Variants in KCNMA1 observed in about 807,000 individuals in gnomAD.
The protein encoded by KCNMA1 is potassium calcium-activated channel subfamily M alpha 1.
Under a neutral mutation model 140.0 loss-of-function variants are expected in KCNMA1, and 29 were observed. That is an observed-to-expected ratio of 0.21 (90% confidence interval 0.15 to 0.28). The LOEUF is 0.28. Ranked by LOEUF, KCNMA1 falls within the 10% of genes least tolerant of loss-of-function variation. The probability of loss-of-function intolerance (pLI) is 1.00; values close to 1 mark genes in which losing one functional copy is unlikely to be tolerated. For missense variants in KCNMA1, 880 were observed against 1,602.2 expected, an observed-to-expected ratio of 0.55 and a Z score of 7.70; for synonymous variants, 612 against 611.9, an observed-to-expected ratio of 1.00 and a Z score of 0.00.
chr10:77,089,443 A>T (rs1461496116), intron 10 of KCNMA1, among the ~76,000 whole-genome samples: 1 of 152,122 alleles, frequency 6.6e-6, no homozygotes, highest in Non-Finnish European at 1.5e-5. Flanking sequence ...ATGTCACCAT[A>T]ATGGAGCCCC....
chr10:76,893,165 G>A (rs974866469), intron 25 of KCNMA1, among the ~76,000 whole-genome samples: 4 of 152,094 alleles, frequency 2.6e-5, no homozygotes, highest in Non-Finnish European at 5.9e-5. Context: ...ACATTTTTGT[G>A]CCTCCGTTTC....
At chr10:77,611,286 T>C (rs1239345595) in intron 1 of KCNMA1, among the ~76,000 whole-genome samples, 1 of 152,222 alleles carries the variant, frequency 6.6e-6, no homozygotes, top group African/African-American at 2.4e-5. Context: ...GGTGATTTAT[T>C]TCCTGACAAG....
At chr10:76,955,017 T>C (rs928103827) in intron 20 of KCNMA1, among the ~76,000 whole-genome samples, 1 of 152,178 alleles carries the variant, frequency 6.6e-6, no homozygotes, top group African/African-American at 2.4e-5. Context: ...AAACTGGCCA[T>C]ATAATTAGGA....
intron 6 of KCNMA1, among the ~76,000 whole-genome samples, chr10:77,120,403 T>C (rs2097569231): frequency 1.3e-5 from 2 of 152,064 alleles, no homozygotes; most frequent in Admixed American, 6.6e-5. Flanking sequence ...TTGTAGGTTT[T>C]CCCCCAAAAG....
At chr10:77,095,696 G>A (rs571741768) in intron 9 of KCNMA1, among the ~76,000 whole-genome samples, 13 of 152,192 alleles carry the variant, frequency 8.5e-5, no homozygotes, top group East Asian at 1.9e-4. Flanking sequence ...TTTAAGCATC[G>A]CTGCCTCCAG....
chr10:77,220,744 C>A (rs1453651170), intron 3 of KCNMA1, among the ~76,000 whole-genome samples: 1 of 149,622 alleles, frequency 6.7e-6, no homozygotes, highest in Non-Finnish European at 1.5e-5. Flanking sequence ...ACCCCCTTAG[C>A]CATATATTCC....
intron 19 of KCNMA1, among the ~76,000 whole-genome samples, chr10:76,994,154 C>A (rs554701204): frequency 6.6e-6 from 1 of 152,256 alleles, no homozygotes; most frequent in South Asian, 2.1e-4. Context: ...GCTATGAGAC[C>A]CTTGGCCAGA....
intron 20 of KCNMA1, among the ~76,000 whole-genome samples, chr10:76,968,029 C>T (rs566314564): frequency 4.3e-4 from 66 of 152,224 alleles, no homozygotes; most frequent in South Asian, 6.2e-4. Context: ...GCAGAAAGTC[C>T]TGTAAAAACC....
chr10:77,062,706 C>T (rs1020038644), intron 14 of KCNMA1, among the ~76,000 whole-genome samples: 2 of 152,188 alleles, frequency 1.3e-5, no homozygotes, highest in Non-Finnish European at 2.9e-5. Context: ...TGGAAAAGAG[C>T]TTAATTTTTA....
chr10:77,510,426 T>A (rs186783846), intron 1 of KCNMA1, among the ~76,000 whole-genome samples: 1 of 152,282 alleles, frequency 6.6e-6, no homozygotes, highest in Admixed American at 6.5e-5. Context: ...CAATTATTTA[T>A]GTCCTCTCCT....
At chr10:77,278,819 C>G (rs2067473474) in intron 2 of KCNMA1, among the ~76,000 whole-genome samples, 1 of 152,324 alleles carries the variant, frequency 6.6e-6, no homozygotes, top group South Asian at 2.1e-4. Context: ...AGTCTTTCAG[C>G]TACTATTATC....
At chr10:77,300,815 C>CT (rs1243269259) in intron 2 of KCNMA1, among the ~76,000 whole-genome samples, 1 of 152,180 alleles carries the variant, frequency 6.6e-6, no homozygotes, top group African/African-American at 2.4e-5. Flanking sequence ...CTCTGGACTC[C>CT]TTCAGGTGCT....
rs1336725087 is a variant in KCNMA1, at chr10:77,007,653, G to GCATATATATA, written c.2092+4313_2092+4314insTATATATATG. On this transcript the variant is annotated intron_variant, in intron 18 of 27. Coordinates refer to ENST00000286628, the MANE Select transcript of KCNMA1 (RefSeq NM_001161352.2). ...ACATCATGGTACATATTGTGTGTGT[G>GCATATATATA]TATATATATATATATATATATATGT... Among the ~76,000 whole-genome samples, 333 of 88,470 alleles carry GCATATATATA rather than the reference G, an allele frequency of 3.8e-3. 4 individuals carry two copies. Among genetic ancestry groups the GCATATATATA allele is most frequent in the Non-Finnish European group, 6.7e-3 (289 of 42,846 alleles). 58.0% of individuals were successfully genotyped at this position (88,470 alleles called of 152,430 possible).
rs1396488656 is a variant in KCNMA1 at position 77,014,638 on chromosome 10, A to G, written c.2016-2595T>C. On this transcript the variant is annotated intron_variant, in intron 17 of 27. Coordinates refer to ENST00000286628, the MANE Select transcript of KCNMA1 (RefSeq NM_001161352.2). ...TCCACTTTCTGCTTCTATGAGTTTA[A>G]CTTTTGTAGGTTCCACATGTAAATA... is the stretch of plus-strand genomic sequence containing the variant. Among the ~76,000 whole-genome samples the G allele has an allele frequency of 2.0e-5, 3 of 152,006 alleles. No homozygotes were observed. In the East Asian group the frequency reaches 5.8e-4, roughly 29 times the overall value.
chr10:77,136,306 G>C (rs2098026042), intron 5 of KCNMA1, among the ~76,000 whole-genome samples: 1 of 152,250 alleles, frequency 6.6e-6, no homozygotes, highest in Non-Finnish European at 1.5e-5. Context: ...TATTATATAT[G>C]CTCAAAGATT....
chr10:77,128,492 C>G (rs926356265), intron 5 of KCNMA1, among the ~76,000 whole-genome samples: 3 of 147,710 alleles, frequency 2.0e-5, no homozygotes, highest in Non-Finnish European at 4.4e-5. Context: ...ACCTGGGAAA[C>G]TTTTAGAATT....
chr10:77,482,341 T>C (rs1380808803), intron 1 of KCNMA1, among the ~76,000 whole-genome samples: 2 of 152,110 alleles, frequency 1.3e-5, no homozygotes, highest in African/African-American at 4.8e-5. Flanking sequence ...AGACACTTTG[T>C]AAGTTTGCAA....
chr10:77,288,353 A>C (rs6480857), intron 2 of KCNMA1, among the ~76,000 whole-genome samples: 33,246 of 152,126 alleles, frequency 0.22, 4,015 homozygotes, highest in East Asian at 0.48. Context: ...GCCTGTGTAC[A>C]TCACTGAGCC....
At chr10:77,310,741 A>T (rs1484118436) in intron 2 of KCNMA1, among the ~76,000 whole-genome samples, 1 of 151,988 alleles carries the variant, frequency 6.6e-6, no homozygotes, top group Admixed American at 6.6e-5. Flanking sequence ...TTATGAAATC[A>T]CCCTCTTCTG....
Sources: allele counts gnomAD v4.1 joint callset (sites outside exome capture counted in the v4.1 genomes callset), GRCh38; gene constraint gnomAD v4.1.1; transcripts MANE v1.5; gene names NCBI Gene and HGNC (gene_info 2026-07-23, HGNC 2026-07-21).